Variants in CCDC197 observed in about 807,000 individuals in gnomAD.
CCDC197 encodes the protein coiled-coil domain containing 197.
A neutral mutation model predicts 13.4 loss-of-function variants in CCDC197; 24 were observed. That is an observed-to-expected ratio of 1.80 (90% confidence interval 1.30 to 2.53). CCDC197 has a LOEUF of 2.53. Ranked by LOEUF, CCDC197 falls within the 30% of genes most tolerant of loss-of-function variation. CCDC197 has a pLI of 0.00. For missense variants in CCDC197, 255 were observed against 148.8 expected, an observed-to-expected ratio of 1.71 and a Z score of -3.71; for synonymous variants, 99 against 55.5, an observed-to-expected ratio of 1.78 and a Z score of -3.48.
intron 6 of CCDC197, 113 bp from the exon 7 acceptor site, chr14:94,008,496 G>C (rs187625773): frequency 4.2e-5 from 27 of 638,962 alleles, no homozygotes; most frequent in Non-Finnish European, 7.5e-5. Context: ...TTTGCAGGGC[G>C]CTTGTGAGAG....
At chr14:94,005,334 C>A (rs563068688) in intron 6 of CCDC197, among the ~76,000 whole-genome samples, 33 of 152,330 alleles carry the variant, frequency 2.2e-4, no homozygotes, top group African/African-American at 6.0e-4. Flanking sequence ...GACACACCTG[C>A]AAATAAGCAC....
Position 94,003,266 on chromosome 14 carries a change from G to A in CCDC197, c.410G>A (p.Arg137His), listed in dbSNP as rs770665618. 31 of 780,772 alleles carry A rather than the reference G, an allele frequency of 4.0e-5. No individual in the cohort carries two copies. The highest frequency in any genetic ancestry group is 2.3e-4 in the South Asian group (17 of 74,618). The allele number at this position is 780,772 out of a possible 1,614,324, so 48.4% of individuals were successfully genotyped here. A position where few individuals can be genotyped will look rare whatever the true frequency, so the allele number is the denominator to read the frequency against. Residue 137 changes from arginine (R) to histidine (H), a missense_variant, in exon 5 of 7, where the codon CGC (arginine) becomes CAC (histidine). By Grantham distance (29) the Arg-to-His change is conservative (BLOSUM62 0). Transcript: ENST00000636493. This position sits in a 1 kb window ranked among gnomAD's most constrained non-coding sequence, Gnocchi z 5.0. ...RLCQLQKKCY[R>H]KQEQWWQLKH... Reference sequence around the variant, plus strand: ...TGTCAGCTGCAGAAGAAGTGCTACCGCAAGCAGGAGCAGTGGTGGCAGCTG... The same window carrying A: ...TGTCAGCTGCAGAAGAAGTGCTACCACAAGCAGGAGCAGTGGTGGCAGCTG...
chr14:94,000,884 G>A, intron 3 of CCDC197: 1 of 375,848 alleles, frequency 2.7e-6, no homozygotes, highest in Non-Finnish European at 4.7e-6. Context: ...TCGCTCGGTG[G>A]TCTTGATCCA....
intron 1 of CCDC197, among the ~76,000 whole-genome samples, chr14:93,990,645 C>T (rs1890193510): frequency 6.6e-6 from 1 of 152,180 alleles, no homozygotes; most frequent in Non-Finnish European, 1.5e-5. Flanking sequence ...CTCTAGTGGA[C>T]TGTGAGGGGG....
chr14:93,988,926 T>C (rs1302029585), intron 1 of CCDC197, among the ~76,000 whole-genome samples: 4 of 138,692 alleles, frequency 2.9e-5, no homozygotes. Flanking sequence ...GAGGAGGGAA[T>C]GGGAGGAGGG....
rs772263251 is a variant in CCDC197 at position 94,003,250 on chromosome 14, CAGA to C, written c.400_402del (p.Lys134del). 3.8e-6 allele frequency: 3 copies of C among 780,908 alleles called. No individual in the cohort carries two copies. Among genetic ancestry groups the C allele is most frequent in the South Asian group, 2.7e-5 (2 of 74,602 alleles). 48.4% of individuals were successfully genotyped at this position (780,908 alleles called of 1,614,324 possible). A position where few individuals can be genotyped will look rare whatever the true frequency, so the allele number is the denominator to read the frequency against. ...CCTCAAGATCCGGCTGTGTCAGCTG[CAGA>C]AGAAGTGCTACCGCAAGCAGGAGCA... On this transcript the variant is annotated inframe_deletion, in exon 5 of 7. Coordinates refer to ENST00000636493, the MANE Select transcript of CCDC197 (RefSeq NM_001351596.2). This position sits in a 1 kb window ranked among gnomAD's most constrained non-coding sequence, Gnocchi z 5.0.
At chr14:93,991,318 T>A (rs994585070) in intron 1 of CCDC197, among the ~76,000 whole-genome samples, 10 of 152,200 alleles carry the variant, frequency 6.6e-5, no homozygotes, top group Non-Finnish European at 1.5e-4. Flanking sequence ...GATCCTAGTA[T>A]GACAGACACT....
chr14:93,992,408 G>A (rs190165127), upstream of CCDC197, among the ~76,000 whole-genome samples: 548 of 152,264 alleles, frequency 3.6e-3, 2 homozygotes, highest in African/African-American at 0.012. Flanking sequence ...GCATGGAGGG[G>A]CATGACTTGA....
intron 6 of CCDC197, among the ~76,000 whole-genome samples, chr14:94,006,121 A>C (rs1246339184): frequency 6.6e-6 from 1 of 152,152 alleles, no homozygotes; most frequent in Non-Finnish European, 1.5e-5. Context: ...CCCCATGATC[A>C]ATGTACGAGG....
chr14:94,005,834 T>C (rs1217551591), intron 6 of CCDC197, among the ~76,000 whole-genome samples: 1 of 152,216 alleles, frequency 6.6e-6, no homozygotes, highest in Non-Finnish European at 1.5e-5. Context: ...AGTGCTTTAT[T>C]TTTATAGCTG....
chr14:93,991,470 C>T (rs1040908038), intron 1 of CCDC197, among the ~76,000 whole-genome samples: 1 of 152,154 alleles, frequency 6.6e-6, no homozygotes, highest in Non-Finnish European at 1.5e-5. Context: ...GTGGTTGGTG[C>T]GAGAATCGTG....
chr14:94,005,102 T>C (rs1004455919), intron 6 of CCDC197, 131 bp downstream of exon 6: 7 of 606,936 alleles, frequency 1.2e-5, no homozygotes, highest in African/African-American at 1.8e-5. Flanking sequence ...CATAGCTACA[T>C]TGGTGCCTGG....
chr14:93,992,685 C>A (rs1218936627), upstream of CCDC197, among the ~76,000 whole-genome samples: 1 of 152,224 alleles, frequency 6.6e-6, no homozygotes, highest in Non-Finnish European at 1.5e-5. Flanking sequence ...GCCCCTCGGA[C>A]CATGACCAGA....
rs374860483 is a variant in CCDC197 at position 93,998,283 on chromosome 14, C to T, written c.104+48C>T. On this transcript the variant is annotated intron_variant, in intron 2 of 6. Transcript: ENST00000636493. ...CCCAGCCCCAGCCCCAGTGCTTCCC[C>T]AGTGGGCTAAGTGGCTGGACTTAGC... 1.1e-5 allele frequency: 8 copies of T among 755,750 alleles called. No homozygotes were observed. The African/African-American group carries it at 1.4e-4, about 13-fold the overall frequency. 46.8% of individuals were successfully genotyped at this position (755,750 alleles called of 1,614,324 possible).
intron 4 of CCDC197, 172 bp downstream of exon 4, chr14:94,001,495 C>T: frequency 1.9e-6 from 1 of 538,222 alleles, no homozygotes; most frequent in Non-Finnish European, 3.3e-6. Flanking sequence ...CCTTCCTCTC[C>T]CCTCTGCTGC....
chr14:93,996,444 C>A (rs375299262), upstream of CCDC197, among the ~76,000 whole-genome samples: 3 of 152,154 alleles, frequency 2.0e-5, no homozygotes, highest in East Asian at 5.8e-4. Flanking sequence ...CCAGCCCGAG[C>A]CTTTGATCCA....
In CCDC197 at chr14:93,998,188, A is replaced by C. The variant is rs1272727510; in HGVS notation, c.57A>C (p.Glu19Asp). ...RADPSNPGDK[E>D]GDLQGLWQEL... ...ACCCAAGCAATCCTGGTGACAAGGA[A>C]GGGGACCTTCAAGGGCTGTGGCAGG... The change falls in exon 2 of 7, where the codon GAA becomes GAC. Residue 19 changes from glutamate (E) to aspartate (D), a missense_variant. Glu to Asp is a conservative substitution (Grantham distance 45). Transcript: ENST00000636493. 1.3e-6 allele frequency: 1 copy of C among 780,810 alleles called. No homozygotes were observed. The highest frequency in any genetic ancestry group is 2.4e-5 in the East Asian group (1 of 41,240). The allele number at this position is 780,810 out of a possible 1,614,324, so 48.4% of individuals were successfully genotyped here.
At chr14:93,999,495 G>T (rs1481253063) in intron 2 of CCDC197, 88 bp from the exon 3 acceptor site, 5 of 756,186 alleles carry the variant, frequency 6.6e-6, no homozygotes, top group Admixed American at 1.8e-5. Context: ...CCAAGCAGGA[G>T]ATCACAGAGG....
rs989649763 is a variant in CCDC197 at position 93,999,685 on chromosome 14, G to A, written c.187+20G>A. 6.4e-6 allele frequency: 5 copies of A among 780,406 alleles called. No homozygotes were observed. The highest frequency in any genetic ancestry group is 9.6e-6 in the Non-Finnish European group (4 of 417,974). 48.3% of individuals were successfully genotyped at this position (780,406 alleles called of 1,614,324 possible). On this transcript the variant is annotated intron_variant, in intron 3 of 6. Coordinates refer to ENST00000636493, the MANE Select transcript of CCDC197 (RefSeq NM_001351596.2). ...CCGAGGGTATGTACACAGCTTCCTC[G>A]GAAAGCCCTTTCTCTCCACAGCCAC... is the stretch of plus-strand genomic sequence containing the variant.
Sources: allele counts gnomAD v4.1 joint callset (sites outside exome capture counted in the v4.1 genomes callset), GRCh38; gene constraint gnomAD v4.1.1; non-coding constraint Gnocchi (gnomAD v3.1); transcripts MANE v1.5; gene names NCBI Gene and HGNC (gene_info 2026-07-23, HGNC 2026-07-21).